Variants in CDH20 observed in about 807,000 individuals in gnomAD.
The protein encoded by CDH20 is cadherin 20, also known as cadherin-20.
In CDH20, 29 loss-of-function variants were observed where a neutral mutation model predicts 74.2. The ratio of observed to expected loss-of-function variants is 0.39; its 90% CI spans 0.29 to 0.53. CDH20 has a LOEUF of 0.53. Ranked by LOEUF, CDH20 falls within the 20% of genes least tolerant of loss-of-function variation. CDH20 has a pLI of 0.69. For synonymous variants in CDH20, 469 were observed against 405.4 expected, an observed-to-expected ratio of 1.16 and a Z score of -1.88; for missense variants, 988 against 1,048.3, an observed-to-expected ratio of 0.94 and a Z score of 0.79.
intron 1 of CDH20, among the ~76,000 whole-genome samples, chr18:61,468,337 C>A (rs547459669): frequency 6.6e-6 from 1 of 152,210 alleles, no homozygotes; most frequent in East Asian, 1.9e-4. Flanking sequence ...TTCTTTATGG[C>A]CCCAAAAGAT....
chr18:61,534,182 T>C (rs894144093), intron 7 of CDH20, among the ~76,000 whole-genome samples: 1 of 152,178 alleles, frequency 6.6e-6, no homozygotes, highest in African/African-American at 2.4e-5. Context: ...AAAACCACAA[T>C]GAGATATCAC....
rs1037882859 is a variant in CDH20 at position 61,516,737 on chromosome 18, T to C, written c.1017+9177T>C. Among the ~76,000 whole-genome samples the C allele has an allele frequency of 4.6e-5, 7 of 152,270 alleles. No individual in the cohort carries two copies. The East Asian group carries it at 7.7e-4, about 17-fold the overall frequency. ...AAAACTCATTATCAAGTGTGGGCAA[T>C]TTAAATGTTAAGAGCTGAGCAGAGT... is the stretch of plus-strand genomic sequence containing the variant. On this transcript the variant is annotated intron_variant, in intron 6 of 11. Transcript: ENST00000262717.
intron 1 of CDH20, among the ~76,000 whole-genome samples, chr18:61,388,407 T>C (rs916466450): frequency 2.6e-5 from 4 of 152,288 alleles, no homozygotes; most frequent in Non-Finnish European, 2.9e-5. Context: ...TCAGTATGCA[T>C]TTGGGTTAAA....
intron 5 of CDH20, among the ~76,000 whole-genome samples, chr18:61,504,896 C>T (rs541999352): frequency 6.6e-6 from 1 of 151,844 alleles, no homozygotes; most frequent in South Asian, 2.1e-4. Flanking sequence ...AAGCAGGATA[C>T]TAGATAAGCA....
rs530593266 is a variant in CDH20 at position 61,342,940 on chromosome 18, G to T, written c.-153+9113G>T. On this transcript the variant is annotated intron_variant, in intron 1 of 11. Transcript: ENST00000262717. ...TCCCTACTAAACTGGTTTCCTTTGG[G>T]ACCATACTGGGTGATCAGGGGATTG... is the stretch of plus-strand genomic sequence containing the variant. Among the ~76,000 whole-genome samples, 41 of 152,194 alleles carry T rather than the reference G, an allele frequency of 2.7e-4. No homozygotes were observed. The South Asian group carries it at 8.5e-3, about 32-fold the overall frequency.
intron 1 of CDH20, among the ~76,000 whole-genome samples, chr18:61,375,875 G>C (rs1911208779): frequency 6.6e-6 from 1 of 151,816 alleles, no homozygotes; most frequent in African/African-American, 2.4e-5. Flanking sequence ...TTGTGTAAAA[G>C]AAAAAAGTTA....
At chr18:61,514,844 G>A (rs1236139411) in intron 6 of CDH20, among the ~76,000 whole-genome samples, 1 of 152,046 alleles carries the variant, frequency 6.6e-6, no homozygotes, top group East Asian at 1.9e-4. Flanking sequence ...ACTTGAGGAG[G>A]CAGTCTGCCC....
chr18:61,457,581 C>T (rs1017667362), intron 1 of CDH20, among the ~76,000 whole-genome samples: 3 of 152,106 alleles, frequency 2.0e-5, no homozygotes, highest in African/African-American at 4.8e-5. Context: ...GGTCTGTTTC[C>T]TCATTTGCCT....
chr18:61,345,034 A>G (rs1910069635), intron 1 of CDH20, among the ~76,000 whole-genome samples: 2 of 152,208 alleles, frequency 1.3e-5, no homozygotes, highest in African/African-American at 4.8e-5. Flanking sequence ...CCTCTAAACC[A>G]TTCTGCCAGT....
At chr18:61,536,078 C>T (rs1404237095) in intron 7 of CDH20, among the ~76,000 whole-genome samples, 1 of 152,150 alleles carries the variant, frequency 6.6e-6, no homozygotes, top group African/African-American at 2.4e-5. Context: ...CTAAACTACA[C>T]CTTTTCTCCT....
At chr18:61,432,952 G>GA (rs897888496) in intron 1 of CDH20, among the ~76,000 whole-genome samples, 1 of 151,986 alleles carries the variant, frequency 6.6e-6, no homozygotes, top group Admixed American at 6.6e-5. Context: ...TAAGCAAAAA[G>GA]AAAAAACATA....
At chr18:61,513,592 T>G (rs1346118965) in intron 6 of CDH20, among the ~76,000 whole-genome samples, 3 of 151,714 alleles carry the variant, frequency 2.0e-5, no homozygotes, top group Admixed American at 6.6e-5. Flanking sequence ...TTCTTCCTAG[T>G]CTCCATGGTC....
At chr18:61,435,960 A>C (rs1210861317) in intron 1 of CDH20, among the ~76,000 whole-genome samples, 1 of 152,098 alleles carries the variant, frequency 6.6e-6, no homozygotes, top group Admixed American at 6.6e-5. Flanking sequence ...GCCCTAAGAA[A>C]CCACTAATCT....
At position 61,441,319 on chromosome 18, in the gene CDH20, T is replaced by C. The variant is rs188890518; in HGVS notation, c.-152-49083T>C. ...TGGTGGTATTCTAATTATTATAAAT[T>C]TCTAAATCCTTTTCATAATTTTACT... On this transcript the variant is annotated intron_variant, in intron 1 of 11. Coordinates refer to ENST00000262717, the MANE Select transcript of CDH20 (RefSeq NM_031891.4). Among the ~76,000 whole-genome samples, 9 of 152,312 alleles carry C rather than the reference T, an allele frequency of 5.9e-5. No individual in the cohort carries two copies. The East Asian group carries it at 7.7e-4, about 13-fold the overall frequency.
intron 1 of CDH20, among the ~76,000 whole-genome samples, chr18:61,388,761 C>T (rs1367159507): frequency 2.6e-5 from 4 of 152,148 alleles, no homozygotes; most frequent in Non-Finnish European, 1.5e-5. Context: ...AGAGTCTTCC[C>T]TGAACCAACA....
chr18:61,416,118 C>G (rs1912674558), intron 1 of CDH20, among the ~76,000 whole-genome samples: 1 of 151,492 alleles, frequency 6.6e-6, no homozygotes, highest in Non-Finnish European at 1.5e-5. Flanking sequence ...TAATGGGCCT[C>G]TATAGTAACT....
rs149204284 is a variant in CDH20, at chr18:61,345,110, G to T, written c.-153+11283G>T. ...TAAATCGGGTGACTTCCTGTTCTTA[G>T]GAAGGACTGCTTCATGCCCACCAAT... On this transcript the variant is annotated intron_variant, in intron 1 of 11. Coordinates refer to ENST00000262717, the MANE Select transcript of CDH20 (RefSeq NM_031891.4). Among the ~76,000 whole-genome samples the T allele has an allele frequency of 5.5e-3, 832 of 152,308 alleles. 5 individuals are homozygous for T. The highest frequency in any genetic ancestry group is 8.4e-3 in the Non-Finnish European group (572 of 68,024).
At chr18:61,545,224 G>C in intron 10 of CDH20, 80 bp downstream of exon 10, 8 of 864,654 alleles carry the variant, frequency 9.3e-6, no homozygotes, top group Non-Finnish European at 4.0e-6. Context: ...TATGCAAACA[G>C]TGTCAAAGGC....
At position 61,555,681 on chromosome 18, in the gene CDH20, C is replaced by T. The variant is rs992056363; in HGVS notation, c.*986C>T. ...AATGGATGTAAGAAAATTACATGTA[C>T]AAGTTTTGTATATTTGTTAATAATT... On this transcript the variant is annotated 3_prime_UTR_variant, in exon 12 of 12. Transcript: ENST00000262717. 1.0e-5 allele frequency: 10 copies of T among 968,472 alleles called. No individual in the cohort carries two copies. The highest frequency in any genetic ancestry group is 1.2e-5 in the Non-Finnish European group (10 of 814,644). The allele number at this position is 968,472 out of a possible 1,614,324, so 60.0% of individuals were successfully genotyped here. A position where few individuals can be genotyped will look rare whatever the true frequency, so the allele number is the denominator to read the frequency against.
Sources: allele counts gnomAD v4.1 joint callset (sites outside exome capture counted in the v4.1 genomes callset), GRCh38; gene constraint gnomAD v4.1.1; transcripts MANE v1.5; gene names NCBI Gene and HGNC (gene_info 2026-07-23, HGNC 2026-07-21).